SCN10A: variants seen among roughly 807,000 people sequenced by gnomAD.
SCN10A encodes sodium voltage-gated channel alpha subunit 10.
Under a neutral mutation model 170.7 loss-of-function variants are expected in SCN10A, and 162 were observed. The ratio of observed to expected loss-of-function variants is 0.95; its 90% CI spans 0.84 to 1.08. SCN10A has a LOEUF of 1.08. SCN10A is among the 50% of genes least tolerant of loss of function. SCN10A has a pLI of 0.00. For synonymous variants in SCN10A, 985 were observed against 904.6 expected, an observed-to-expected ratio of 1.09 and a Z score of -1.59; for missense variants, 2,527 against 2,436.9, an observed-to-expected ratio of 1.04 and a Z score of -0.78.
intron 4 of SCN10A, among the ~76,000 whole-genome samples, chr3:38,787,210 T>C (rs2064216011): frequency 6.6e-6 from 1 of 152,128 alleles, no homozygotes; most frequent in Non-Finnish European, 1.5e-5. Context: ...ACAATACTTA[T>C]TATAATTTTC....
intron 15 of SCN10A, among the ~76,000 whole-genome samples, chr3:38,730,541 ATAGTCATTCCAT>A (rs2063503979): frequency 6.6e-6 from 1 of 152,214 alleles, no homozygotes; most frequent in Non-Finnish European, 1.5e-5. Flanking sequence ...AGATGTGGAA[ATAGTCATTCCAT>A]TTCTTCAGAT....
At chr3:38,791,228 C>A (rs2064276978) in intron 3 of SCN10A, among the ~76,000 whole-genome samples, 1 of 152,170 alleles carries the variant, frequency 6.6e-6, no homozygotes, top group Non-Finnish European at 1.5e-5. Context: ...AACTTCCAAT[C>A]CTTCCGATGA....
intron 1 of SCN10A, among the ~76,000 whole-genome samples, chr3:38,812,510 T>C (rs958721661): frequency 3.9e-5 from 6 of 152,158 alleles, no homozygotes; most frequent in African/African-American, 1.4e-4. Flanking sequence ...GTTTACAGTT[T>C]GATGCTTTTT....
At chr3:38,761,854 GAGAGAGAGAGAA>G (rs1453382746) in intron 6 of SCN10A, among the ~76,000 whole-genome samples, 6 of 151,772 alleles carry the variant, frequency 4.0e-5, no homozygotes, top group African/African-American at 1.5e-4. Flanking sequence ...GAGAGAGAGA[GAGAGAGAGAGAA>G]AGAGAGAGAG....
At chr3:38,736,963 G>GTTTTTTTTTTGTTT (rs2063568634) in intron 15 of SCN10A, among the ~76,000 whole-genome samples, 1 of 46,668 alleles carries the variant, frequency 2.1e-5, no homozygotes, top group African/African-American at 1.0e-4. Flanking sequence ...AGAAATGTTC[G>GTTTTTTTTTTGTTT]TTTTTTTTTT....
intron 1 of SCN10A, among the ~76,000 whole-genome samples, chr3:38,803,508 G>A (rs1473333647): frequency 6.6e-6 from 1 of 152,054 alleles, no homozygotes; most frequent in Admixed American, 6.6e-5. Context: ...TAGGGACATG[G>A]ATGAAGCTGG....
intron 23 of SCN10A, 58 bp from the exon 24 acceptor site, chr3:38,710,955 TC>T: frequency 1.4e-6 from 2 of 1,457,276 alleles, no homozygotes; most frequent in South Asian, 1.2e-5. Context: ...ACTGGACCCT[TC>T]CCAAGCCATG....
intron 11 of SCN10A, among the ~76,000 whole-genome samples, chr3:38,753,399 G>A (rs1437610342): frequency 3.3e-5 from 5 of 152,202 alleles, no homozygotes; most frequent in East Asian, 1.9e-4. Flanking sequence ...TGATCATACC[G>A]ATTTATTCCA....
chr3:38,723,491 G>C lies in SCN10A; in HGVS notation c.3291C>G (p.Ile1097Met), dbSNP rs148041371. Residue 1097 changes from isoleucine to methionine, a missense_variant, in exon 19 of 28, where the codon ATC (isoleucine) becomes ATG (methionine). Physicochemically the swap from Ile to Met is conservative, Grantham distance 10. Transcript: ENST00000449082. ...CTGCCAGCTCAGGGATCTTCCTCAG[G>C]ATTTCCTCAGGATCTAGGCAGTCCA... ...STVDCLDPEE[I>M]LRKIPELADD... is the part of the protein sequence containing the mutation. 4.0e-4 allele frequency: 648 copies of C among 1,613,898 alleles called. 5 individuals are homozygous for C. The East Asian group carries it at 0.013, about 31-fold the overall frequency.
chr3:38,743,006 A>G (rs2063650452), intron 13 of SCN10A, among the ~76,000 whole-genome samples: 1 of 152,134 alleles, frequency 6.6e-6, no homozygotes, highest in Admixed American at 6.5e-5. Context: ...ACCCTCCTAG[A>G]GATCTGTGAG....
At chr3:38,808,000 T>C (rs944608733) in intron 1 of SCN10A, among the ~76,000 whole-genome samples, 2 of 152,186 alleles carry the variant, frequency 1.3e-5, no homozygotes, top group African/African-American at 4.8e-5. Flanking sequence ...TCTGATCATA[T>C]CACTTCTCTG....
intron 6 of SCN10A, among the ~76,000 whole-genome samples, chr3:38,761,851 A>T (rs1200889097): frequency 2.6e-5 from 4 of 151,652 alleles, no homozygotes; most frequent in Admixed American, 6.6e-5. Context: ...AGAGAGAGAG[A>T]GAGAGAGAGA....
chr3:38,761,864 G>A (rs868525084), intron 6 of SCN10A, among the ~76,000 whole-genome samples: 4 of 146,454 alleles, frequency 2.7e-5, no homozygotes, highest in African/African-American at 1.0e-4. Context: ...GAGAGAGAGA[G>A]AAAGAGAGAG....
intron 18 of SCN10A, among the ~76,000 whole-genome samples, chr3:38,724,690 T>C (rs1431045371): frequency 2.0e-5 from 3 of 152,240 alleles, no homozygotes; most frequent in Non-Finnish European, 2.9e-5. Context: ...TTGCTGGCTC[T>C]GAAAGATATT....
At chr3:38,762,432 C>T (rs528793833) in intron 6 of SCN10A, among the ~76,000 whole-genome samples, 5 of 152,098 alleles carry the variant, frequency 3.3e-5, no homozygotes, top group African/African-American at 1.2e-4. Context: ...CTTGGCAGAG[C>T]CCTGAGGAAT....
At chr3:38,759,653 A>T (rs1244441182) in intron 8 of SCN10A, among the ~76,000 whole-genome samples, 1 of 152,232 alleles carries the variant, frequency 6.6e-6, no homozygotes, top group Non-Finnish European at 1.5e-5. Context: ...CAATATGTAG[A>T]CATTTTTTGG....
At chr3:38,755,705 A>T in intron 11 of SCN10A, 83 bp downstream of exon 11, 1 of 1,527,536 alleles carries the variant, frequency 6.5e-7, no homozygotes, top group Non-Finnish European at 9.0e-7. Flanking sequence ...TTTCTCTGCC[A>T]CACACCTCTT....
intron 15 of SCN10A, among the ~76,000 whole-genome samples, chr3:38,730,651 T>C (rs1575969263): frequency 1.3e-5 from 2 of 151,986 alleles, no homozygotes; most frequent in South Asian, 4.2e-4. Flanking sequence ...GTGCAGAGAA[T>C]AAAAAAACTA....
At chr3:38,764,225 A>C (rs2063907365) in intron 5 of SCN10A, among the ~76,000 whole-genome samples, 1 of 152,174 alleles carries the variant, frequency 6.6e-6, no homozygotes, top group South Asian at 2.1e-4. Flanking sequence ...TAAGTTCTTT[A>C]TTTGTATTTC....
Sources: gnomAD v4.1 joint callset for allele counts (sites outside exome capture counted in the v4.1 genomes callset) on GRCh38, gnomAD v4.1.1 for gene constraint, MANE v1.5 for transcripts, NCBI Gene and HGNC (gene_info 2026-07-23, HGNC 2026-07-21) for gene names.